ZRANB3: variants seen among roughly 807,000 people sequenced by gnomAD.
The protein encoded by ZRANB3 is zinc finger RANBP2-type containing 3.
ZRANB3 carries 125 observed loss-of-function variants against 133.8 expected under a neutral mutation model. The observed-to-expected ratio is 0.93, with a 90% confidence interval of 0.81 to 1.08. The LOEUF (loss-of-function observed/expected upper bound fraction) is 1.08, where lower values mean the gene tolerates loss of function less well. ZRANB3 is among the 50% of genes least tolerant of loss of function. The pLI, the probability that ZRANB3 is intolerant of heterozygous loss-of-function variation, is 0.00. For missense variants in ZRANB3, 1,229 were observed against 1,275.5 expected (o/e 0.96, Z 0.56); for synonymous variants, 387 against 432.7 (o/e 0.89, Z 1.31).
At chr2:135,336,348 A>C (rs1466693867) in intron 6 of ZRANB3, among the ~76,000 whole-genome samples, 1 of 152,242 alleles carries the variant, frequency 6.6e-6, no homozygotes, top group Non-Finnish European at 1.5e-5. Context: ...TGACATTTCA[A>C]ATATAAAATA....
At chr2:135,332,892 T>A (rs531704588) in intron 6 of ZRANB3, among the ~76,000 whole-genome samples, 12 of 152,316 alleles carry the variant, frequency 7.9e-5, no homozygotes, top group Admixed American at 7.8e-4. Flanking sequence ...TTTGTTCTTA[T>A]AAATATAGTT....
chr2:135,231,963 G>A (rs188332481), intron 12 of ZRANB3, among the ~76,000 whole-genome samples: 9 of 152,288 alleles, frequency 5.9e-5, no homozygotes, highest in African/African-American at 1.4e-4. Context: ...TGGGTGCAGC[G>A]CACTGAGCAT....
intron 2 of ZRANB3, among the ~76,000 whole-genome samples, chr2:135,423,430 AAAAAAAT>A (rs747467278): frequency 2.9e-4 from 44 of 152,296 alleles, no homozygotes; most frequent in East Asian, 5.8e-4. Flanking sequence ...ACCCTGTCTC[AAAAAAAT>A]AAAAAATAAA....
intron 2 of ZRANB3, among the ~76,000 whole-genome samples, chr2:135,395,206 T>C (rs1687433297): frequency 1.3e-5 from 2 of 151,798 alleles, no homozygotes; most frequent in South Asian, 4.2e-4. Context: ...ACATCTACAG[T>C]GAACTCATTT....
In ZRANB3 at chr2:135,524,093, C is replaced by CT. The variant is rs555928972; in HGVS notation, c.-8+7033dup. Among the ~76,000 whole-genome samples the CT allele has an allele frequency of 7.5e-3, 1,118 of 148,554 alleles. 2 individuals are homozygous for CT. The highest frequency in any genetic ancestry group is 0.041 in the Middle Eastern group (12 of 294). On this transcript the variant is annotated intron_variant, in intron 1 of 20. Coordinates refer to ENST00000264159, the MANE Select transcript of ZRANB3 (RefSeq NM_032143.4). ...AACCATTTTGGTCGAATTCTTTTTTCTTTTTTTTTTGAGAAAGAGTTTCGC... is the reference window on the plus strand; with the variant it reads ...AACCATTTTGGTCGAATTCTTTTTTCTTTTTTTTTTTGAGAAAGAGTTTCGC...
chr2:135,288,134 A>C (rs537980623), intron 8 of ZRANB3, among the ~76,000 whole-genome samples: 111 of 152,228 alleles, frequency 7.3e-4, no homozygotes, highest in African/African-American at 2.5e-3. Context: ...TGAGGGTTTT[A>C]ATCACAAAAG....
intron 11 of ZRANB3, among the ~76,000 whole-genome samples, chr2:135,266,717 A>T (rs1294105930): frequency 6.6e-6 from 1 of 151,954 alleles, no homozygotes; most frequent in Non-Finnish European, 1.5e-5. Context: ...GTGAGCTGAG[A>T]TCACGCCACC....
chr2:135,360,011 T>A (rs549054252), intron 3 of ZRANB3, among the ~76,000 whole-genome samples: 1 of 152,320 alleles, frequency 6.6e-6, no homozygotes, highest in African/African-American at 2.4e-5. Flanking sequence ...TAATCTCATA[T>A]TCCCATTAAA....
At chr2:135,406,851 C>T (rs1169177090) in intron 2 of ZRANB3, among the ~76,000 whole-genome samples, 1 of 152,046 alleles carries the variant, frequency 6.6e-6, no homozygotes, top group African/African-American at 2.4e-5. Flanking sequence ...TATGACAAAC[C>T]CACAGCCAAT....
chr2:135,418,925 C>CTCTTTT lies in ZRANB3; in HGVS notation c.162-28106_162-28105insAAAAGA, dbSNP rs60788576. On this transcript the variant is annotated intron_variant, in intron 2 of 20. Transcript: ENST00000264159. ...AAGTAATGAAAAATAAGGATTCTCTCTTTTTTTTTTTTTTTTTTTTTTTTT... is the reference window on the plus strand; with the variant it reads ...AAGTAATGAAAAATAAGGATTCTCTCTCTTTTTTTTTTTTTTTTTTTTTTTTTTTTT... Among the ~76,000 whole-genome samples the CTCTTTT allele has an allele frequency of 9.2e-4, 79 of 85,910 alleles. 1 individual carries two copies. The highest frequency in any genetic ancestry group is 5.4e-3 in the South Asian group (10 of 1,844). 56.4% of individuals were successfully genotyped at this position (85,910 alleles called of 152,430 possible).
intron 6 of ZRANB3, among the ~76,000 whole-genome samples, chr2:135,339,540 C>T (rs1684532267): frequency 6.6e-6 from 1 of 152,182 alleles, no homozygotes; most frequent in South Asian, 2.1e-4. Flanking sequence ...CATGATTGTG[C>T]CACTGCACTC....
At chr2:135,389,606 G>A (rs1044253296) in intron 3 of ZRANB3, among the ~76,000 whole-genome samples, 1 of 152,030 alleles carries the variant, frequency 6.6e-6, no homozygotes, top group Non-Finnish European at 1.5e-5. Flanking sequence ...TGGGGAGGCT[G>A]AGGCAAGAGA....
intron 3 of ZRANB3, among the ~76,000 whole-genome samples, chr2:135,381,150 C>A (rs1439055644): frequency 6.6e-6 from 1 of 152,174 alleles, no homozygotes; most frequent in Non-Finnish European, 1.5e-5. Context: ...TCACTCCCAC[C>A]CTAATACTGT....
At chr2:135,253,609 TG>T (rs1373849905) in intron 12 of ZRANB3, among the ~76,000 whole-genome samples, 7 of 152,196 alleles carry the variant, frequency 4.6e-5, no homozygotes, top group African/African-American at 1.7e-4. Context: ...ACTATAAACC[TG>T]TACAGCAGTT....
intron 2 of ZRANB3, among the ~76,000 whole-genome samples, chr2:135,418,507 T>A (rs1688688029): frequency 6.6e-6 from 1 of 152,188 alleles, no homozygotes; most frequent in Non-Finnish European, 1.5e-5. Context: ...CAACATGCAT[T>A]GTATGTCATA....
intron 2 of ZRANB3, among the ~76,000 whole-genome samples, chr2:135,460,384 C>G (rs927543603): frequency 2.7e-4 from 41 of 152,004 alleles, no homozygotes; most frequent in African/African-American, 9.2e-4. Context: ...GCTTCAGTCT[C>G]CTGAGTGGCT....
chr2:135,199,880 C>A lies in ZRANB3; in HGVS notation c.*462G>T. 5.6e-6 allele frequency: 1 copy of A among 177,226 alleles called. No individual in the cohort carries two copies. Among genetic ancestry groups the A allele is most frequent in the Non-Finnish European group, 1.2e-5 (1 of 83,924 alleles). 11.0% of individuals were successfully genotyped at this position (177,226 alleles called of 1,614,324 possible). A position where few individuals can be genotyped will look rare whatever the true frequency, so the allele number is the denominator to read the frequency against. On this transcript the variant is annotated 3_prime_UTR_variant, in exon 21 of 21. Transcript: ENST00000264159. ...TGGACAGTCTCTCTTGAATCCTAAGCAGGCTGGTCATGCTTGGCCCAGAAT... is the reference window on the plus strand; with the variant it reads ...TGGACAGTCTCTCTTGAATCCTAAGAAGGCTGGTCATGCTTGGCCCAGAAT...
At chr2:135,235,211 C>T (rs1293738945) in intron 12 of ZRANB3, among the ~76,000 whole-genome samples, 1 of 152,212 alleles carries the variant, frequency 6.6e-6, no homozygotes, top group Non-Finnish European at 1.5e-5. Flanking sequence ...TTCCTCAACA[C>T]ATACACCCTC....
chr2:135,209,530 G>A (rs1694013415), intron 17 of ZRANB3, among the ~76,000 whole-genome samples: 1 of 152,052 alleles, frequency 6.6e-6, no homozygotes, highest in Non-Finnish European at 1.5e-5. Context: ...CAGGGTTTAT[G>A]GATTCTTCCA....
Sources: allele counts gnomAD v4.1 joint callset (sites outside exome capture counted in the v4.1 genomes callset), GRCh38; gene constraint gnomAD v4.1.1; transcripts MANE v1.5; gene names NCBI Gene and HGNC (gene_info 2026-07-23, HGNC 2026-07-21).